The following THADA variants were observed in gnomAD, a reference collection of about 807,000 sequenced individuals.
THADA encodes THADA armadillo repeat containing.
In THADA, 213 loss-of-function variants were observed where a neutral mutation model predicts 219.8. The ratio of observed to expected loss-of-function variants is 0.97; its 90% CI spans 0.87 to 1.09. The LOEUF is 1.09. Among genes scored for constraint, THADA ranks in the 50% least tolerant of loss-of-function variants. THADA has a pLI of 0.00. For missense variants in THADA, 2,956 were observed against 2,311.3 expected (o/e 1.28, Z -5.72); for synonymous variants, 1,018 against 828.9 (o/e 1.23, Z -3.92).
intron 22 of THADA, among the ~76,000 whole-genome samples, chr2:43,510,159 G>A (rs1690222417): frequency 6.6e-6 from 1 of 152,120 alleles, no homozygotes; most frequent in Admixed American, 6.6e-5. Flanking sequence ...TGTGAACATG[G>A]AACAAAGTTT....
intron 36 of THADA, 50 bp from the exon 37 acceptor site, chr2:43,232,932 C>A: frequency 6.5e-7 from 1 of 1,541,454 alleles, no homozygotes; most frequent in South Asian, 1.2e-5. Flanking sequence ...TCAGGGCCGA[C>A]CCCAGGGCAG....
intron 29 of THADA, among the ~76,000 whole-genome samples, chr2:43,345,887 G>A (rs944814133): frequency 2.0e-5 from 3 of 152,182 alleles, no homozygotes; most frequent in African/African-American, 7.2e-5. Context: ...CCTGATGGAT[G>A]TTTAAACTTA....
At chr2:43,554,452 T>C (rs1322466195) in intron 17 of THADA, among the ~76,000 whole-genome samples, 1 of 151,986 alleles carries the variant, frequency 6.6e-6, no homozygotes, top group Non-Finnish European at 1.5e-5. Flanking sequence ...AAAGAACTCC[T>C]AAAAATCAAT....
At chr2:43,389,809 G>A (rs1474032861) in intron 29 of THADA, among the ~76,000 whole-genome samples, 2 of 152,172 alleles carry the variant, frequency 1.3e-5, no homozygotes, top group African/African-American at 2.4e-5. Context: ...CTTCTCTCAT[G>A]TCTCCAGTCC....
At chr2:43,406,989 G>A (rs761753021) in intron 28 of THADA, among the ~76,000 whole-genome samples, 2 of 152,182 alleles carry the variant, frequency 1.3e-5, no homozygotes, top group Non-Finnish European at 2.9e-5. Flanking sequence ...AAATGAGCAC[G>A]TTCAGGCAGC....
At chr2:43,487,909 G>A (rs1573899810) in intron 25 of THADA, among the ~76,000 whole-genome samples, 1 of 152,152 alleles carries the variant, frequency 6.6e-6, no homozygotes, top group Non-Finnish European at 1.5e-5. Flanking sequence ...CTTATAAAGT[G>A]CCCTCATTAG....
chr2:43,354,157 T>C (rs147426034), intron 29 of THADA, among the ~76,000 whole-genome samples: 62 of 152,082 alleles, frequency 4.1e-4, no homozygotes, highest in African/African-American at 1.4e-3. Flanking sequence ...GGTTTTGCCA[T>C]GTTGACCAGG....
At chr2:43,384,665 C>A (rs566774803) in intron 29 of THADA, among the ~76,000 whole-genome samples, 47 of 152,210 alleles carry the variant, frequency 3.1e-4, no homozygotes, top group Non-Finnish European at 5.3e-4. Flanking sequence ...TACTTCTTTT[C>A]AGTATAAGAA....
chr2:43,285,216 A>T (rs1673846858), intron 35 of THADA, among the ~76,000 whole-genome samples: 1 of 152,192 alleles, frequency 6.6e-6, no homozygotes, highest in Admixed American at 6.5e-5. Context: ...GAGATTCAGG[A>T]GGGGCCTGGG....
chr2:43,342,110 G>C (rs1200537552), intron 30 of THADA, among the ~76,000 whole-genome samples: 1 of 152,146 alleles, frequency 6.6e-6, no homozygotes, highest in East Asian at 1.9e-4. Context: ...AGCTGCTCAG[G>C]GGACTGAGGC....
At chr2:43,296,916 T>C (rs1675469599) in intron 31 of THADA, among the ~76,000 whole-genome samples, 1 of 149,746 alleles carries the variant, frequency 6.7e-6, no homozygotes, top group African/African-American at 2.5e-5. Flanking sequence ...CCGCCTGCCT[T>C]GGCCTCCCAA....
intron 26 of THADA, among the ~76,000 whole-genome samples, chr2:43,431,757 C>T (rs1258154440): frequency 2.0e-5 from 1 of 49,058 alleles, no homozygotes; most frequent in Non-Finnish European, 3.5e-5. Context: ...CTCCGCCTCG[C>T]GGGTTCACGC....
At chr2:43,443,085 G>C (rs954878632) in intron 26 of THADA, among the ~76,000 whole-genome samples, 1 of 152,086 alleles carries the variant, frequency 6.6e-6, no homozygotes, top group African/African-American at 2.4e-5. Flanking sequence ...GAAACTTCCT[G>C]TTTTCTTGCT....
intron 30 of THADA, among the ~76,000 whole-genome samples, chr2:43,331,846 ACTGT>A (rs1402923275): frequency 2.6e-5 from 4 of 151,018 alleles, no homozygotes; most frequent in Admixed American, 2.0e-4. Context: ...TATGTATTTC[ACTGT>A]CTAAATTTTC....
rs553523911 is a variant in THADA at position 43,380,996 on chromosome 2, G to A, written c.4227+16975C>T. Among the ~76,000 whole-genome samples the A allele has an allele frequency of 3.4e-5, 5 of 148,058 alleles. No individual in the cohort carries two copies. The East Asian group carries it at 9.8e-4, about 29-fold the overall frequency. ...GCCTATAGTCCCAGCTACTCAGGAG[G>A]CTAAGACAGAAGAATCACTTGAACC... On this transcript the variant is annotated intron_variant, in intron 29 of 37. Coordinates refer to ENST00000405975, the MANE Select transcript of THADA (RefSeq NM_022065.5).
Position 43,303,079 on chromosome 2 carries a change from GCTT to G in THADA, c.4439-9869_4439-9867del, listed in dbSNP as rs1229903467. The stretch of plus-strand genomic sequence containing the variant: ...TACAGCTTTGGAGAAGTTGATAAAA[GCTT>G]CTTGAGGCTAGTCTGTTTGGATGGC... On this transcript the variant is annotated intron_variant, in intron 31 of 37. Coordinates refer to ENST00000405975, the MANE Select transcript of THADA (RefSeq NM_022065.5). Among the ~76,000 whole-genome samples, 6 of 152,284 alleles carry G rather than the reference GCTT, an allele frequency of 3.9e-5. No homozygotes were observed. In the East Asian group the frequency reaches 1.2e-3, roughly 29 times the overall value.
chr2:43,544,625 C>T (rs1030327450), intron 20 of THADA, among the ~76,000 whole-genome samples: 3 of 149,414 alleles, frequency 2.0e-5, no homozygotes, highest in African/African-American at 7.4e-5. Flanking sequence ...GTATTTTATT[C>T]TCTTTGAAGC....
At position 43,297,658 on chromosome 2, in the gene THADA, C is replaced by G. The variant is rs868465516; in HGVS notation, c.4439-4445G>C. ...CCGGGAGGTGAGGGGCGCCTCTGCC[C>G]AGCCACCCCTACTGGGAAGTGAGGA... On this transcript the variant is annotated intron_variant, in intron 31 of 37. Transcript: ENST00000405975. Among the ~76,000 whole-genome samples the G allele has an allele frequency of 5.9e-4, 58 of 97,806 alleles. 8 individuals carry two copies. Among genetic ancestry groups the G allele is most frequent in the African/African-American group, 3.1e-3 (53 of 17,130 alleles). The allele number at this position is 97,806 out of a possible 152,430, so 64.2% of individuals were successfully genotyped here. A position where few individuals can be genotyped will look rare whatever the true frequency, so the allele number is the denominator to read the frequency against.
intron 35 of THADA, among the ~76,000 whole-genome samples, chr2:43,285,824 T>A (rs770245711): frequency 9.9e-5 from 15 of 152,194 alleles, no homozygotes; most frequent in Non-Finnish European, 2.1e-4. Context: ...GTGCTGGGAT[T>A]ACAGACGTGA....
Sources: gnomAD v4.1 joint callset for allele counts (sites outside exome capture counted in the v4.1 genomes callset) on GRCh38, gnomAD v4.1.1 for gene constraint, MANE v1.5 for transcripts, NCBI Gene and HGNC (gene_info 2026-07-23, HGNC 2026-07-21) for gene names.